The following ZNF318 variants were observed in gnomAD, a reference collection of about 807,000 sequenced individuals.
ZNF318 encodes zinc finger protein 318.
A neutral mutation model predicts 124.2 loss-of-function variants in ZNF318; 51 were observed. The observed-to-expected ratio is 0.41, with a 90% confidence interval of 0.33 to 0.52. ZNF318 has a LOEUF of 0.52. Among genes scored for constraint, ZNF318 ranks in the 20% least tolerant of loss-of-function variants. The probability of loss-of-function intolerance (pLI) is 0.23; values close to 1 mark genes in which losing one functional copy is unlikely to be tolerated. For missense variants in ZNF318, 2,815 were observed against 2,811.2 expected (o/e 1.00, Z -0.03); for synonymous variants, 1,090 against 1,040.7 (o/e 1.05, Z -0.91).
At chr6:43,366,202 G>A (rs747463773) in intron 1 of ZNF318, among the ~76,000 whole-genome samples, 1 of 151,576 alleles carries the variant, frequency 6.6e-6, no homozygotes, top group Non-Finnish European at 1.5e-5. Context: ...GTAGAAAGAT[G>A]TTTCAGGCAA....
intron 6 of ZNF318, among the ~76,000 whole-genome samples, chr6:43,343,987 G>T (rs1779407318): frequency 6.6e-6 from 1 of 152,022 alleles, no homozygotes; most frequent in South Asian, 2.1e-4. Flanking sequence ...TGAGAATTTT[G>T]GTTAATGTTC....
Position 43,355,209 on chromosome 6 carries a change from T to C in ZNF318, c.2125A>G (p.Ser709Gly). The C allele has an allele frequency of 1.2e-6, 2 of 1,614,224 alleles. No homozygotes were observed. The highest frequency in any genetic ancestry group is 1.7e-6 in the Non-Finnish European group (2 of 1,180,030). The change falls in exon 4 of 10, where the codon AGC becomes GGC. Residue 709 changes from serine (S) to glycine (G), a missense_variant. Physicochemically the swap from Ser to Gly is moderately conservative, Grantham distance 56. This residue lies in a region of ZNF318 where 1,377 missense variants were observed against 1,353.5 expected (regional missense o/e 1.02). Transcript: ENST00000361428. The stretch of plus-strand genomic sequence containing the variant: ...TGGTCAGACTTTAGGAATGGAGGGC[T>C]GTTTTTTGTGAGCAGGTAAGGATCC... ...PVDPYLLTKN[S>G]PPFLKSDHPV...
intron 6 of ZNF318, among the ~76,000 whole-genome samples, chr6:43,346,673 T>G (rs116261800): frequency 6.6e-6 from 1 of 152,262 alleles, no homozygotes; most frequent in Non-Finnish European, 1.5e-5. Context: ...ATTCTGGAAA[T>G]TCTTCATGGA....
Position 43,355,451 on chromosome 6 carries a change from G to C in ZNF318, c.1883C>G (p.Ser628Cys). The C allele has an allele frequency of 6.2e-7, 1 of 1,614,192 alleles. No homozygotes were observed. Among genetic ancestry groups the C allele is most frequent in the South Asian group, 1.1e-5 (1 of 91,072 alleles). The change falls in exon 4 of 10, where the codon TCC becomes TGC. Residue 628 changes from serine to cysteine, a missense_variant. Ser to Cys is a moderately radical substitution (Grantham distance 112). Transcript: ENST00000361428. Reference sequence around the variant, plus strand: ...AACTGAGGAACGGCGGTCAGCTGAGGAGCGTAATGATGGCTTCTTGCCATG... The same window carrying C: ...AACTGAGGAACGGCGGTCAGCTGAGCAGCGTAATGATGGCTTCTTGCCATG... ...RLHGKKPSLR[S>C]SADRRSSVDR... is the part of the protein sequence containing the mutation.
intron 6 of ZNF318, among the ~76,000 whole-genome samples, chr6:43,343,966 C>T (rs1042925390): frequency 2.0e-5 from 3 of 151,834 alleles, no homozygotes; most frequent in Non-Finnish European, 4.4e-5. Context: ...TGGAACAAGG[C>T]ACTCAGGAAA....
rs1029686027 is a variant in ZNF318, at chr6:43,336,950, AGTT to A, written c.*205_*207del. The stretch of plus-strand genomic sequence containing the variant: ...TTACAGATATATATATATATATATA[AGTT>A]GTTATCGATTTGTCTGGTGTTTTAA... On this transcript the variant is annotated 3_prime_UTR_variant, in exon 10 of 10. Transcript: ENST00000361428. 120 of 334,906 alleles carry A rather than the reference AGTT, an allele frequency of 3.6e-4. No individual in the cohort carries two copies. The highest frequency in any genetic ancestry group is 2.3e-3 in the African/African-American group (106 of 46,046). The allele number at this position is 334,906 out of a possible 1,614,324, so 20.7% of individuals were successfully genotyped here.
intron 9 of ZNF318, 71 bp from the exon 10 acceptor site, chr6:43,340,573 T>C (rs1460166310): frequency 6.7e-7 from 1 of 1,501,988 alleles, no homozygotes; most frequent in East Asian, 2.4e-5. Flanking sequence ...GCCCCGCTAC[T>C]GTTAGAATTC....
At position 43,339,107 on chromosome 6, in the gene ZNF318, C is replaced by T. The variant is rs554988849; in HGVS notation, c.4891G>A (p.Glu1631Lys). The T allele has an allele frequency of 6.2e-7, 1 of 1,614,162 alleles. No individual in the cohort carries two copies. Among genetic ancestry groups the T allele is most frequent in the East Asian group, 2.2e-5 (1 of 44,880 alleles). ...SASQEELHQDEGLVAAPIVSN... is the reference protein window; with the variant it reads ...SASQEELHQDKGLVAAPIVSN... The stretch of plus-strand genomic sequence containing the variant: ...ACTATAGGAGCAGCGACCAAACCCT[C>T]ATCTTGATGCAACTCCTCTTGGGAT... Residue 1631 changes from glutamate (E) to lysine (K), a missense_variant, in exon 10 of 10, where the codon GAG (glutamate) becomes AAG (lysine). Transcript: ENST00000361428. The surrounding 1 kb of genome is among the most constrained non-coding windows in gnomAD (Gnocchi z 4.2).
intron 8 of ZNF318, 41 bp from the exon 9 acceptor site, chr6:43,340,949 C>G: frequency 6.9e-7 from 1 of 1,446,996 alleles, no homozygotes; most frequent in South Asian, 1.1e-5. Flanking sequence ...AAGTCGATTC[C>G]ACCCAGAATG....
At chr6:43,345,065 C>T (rs889615271) in intron 6 of ZNF318, among the ~76,000 whole-genome samples, 3 of 151,526 alleles carry the variant, frequency 2.0e-5, no homozygotes, top group Admixed American at 6.6e-5. Context: ...GGAAACATGG[C>T]GAAACCTCAA....
chr6:43,362,958 A>G (rs546784637), intron 2 of ZNF318, among the ~76,000 whole-genome samples: 13 of 152,294 alleles, frequency 8.5e-5, no homozygotes, highest in African/African-American at 3.1e-4. Context: ...AAAGGGAAAG[A>G]AGAGAAATGT....
rs1779352793 is a variant in ZNF318, at chr6:43,340,171, A to T, written c.3827T>A (p.Phe1276Tyr). 1.9e-6 allele frequency: 3 copies of T among 1,614,074 alleles called. No homozygotes were observed. In the East Asian group the frequency reaches 6.7e-5, roughly 36 times the overall value. The change falls in exon 10 of 10, where the codon TTC becomes TAC. Residue 1276 changes from phenylalanine (F) to tyrosine (Y), a missense_variant. This residue lies in a region of ZNF318 where 500 missense variants were observed against 605.2 expected (regional missense o/e 0.83). Transcript: ENST00000361428. ...TTCTTTTTCTGGCTTCTTCCAGCTGAATTTCCCAAAAGAAGATGATGTTGG... is the reference window on the plus strand; with the variant it reads ...TTCTTTTTCTGGCTTCTTCCAGCTGTATTTCCCAAAAGAAGATGATGTTGG... Reference protein sequence around the residue: ...ESPTSSSFGKFSWKKPEKEEE... With the variant: ...ESPTSSSFGKYSWKKPEKEEE...
At chr6:43,343,163 C>G (rs1358673830) in intron 6 of ZNF318, among the ~76,000 whole-genome samples, 1 of 152,168 alleles carries the variant, frequency 6.6e-6, no homozygotes, top group Admixed American at 6.5e-5. Context: ...GTTGTGGAAA[C>G]ATTGGCTGCC....
intron 5 of ZNF318, among the ~76,000 whole-genome samples, chr6:43,349,706 T>TCA (rs1779500459): frequency 6.6e-6 from 1 of 152,176 alleles, no homozygotes; most frequent in Admixed American, 6.6e-5. Context: ...GTTCTTTTCC[T>TCA]CACTGTGTAT....
In ZNF318 at chr6:43,338,094, G is replaced by C. The variant is rs142925461; in HGVS notation, c.5904C>G (p.Thr1968=). 3.2e-4 allele frequency: 509 copies of C among 1,613,996 alleles called. 2 individuals are homozygous for C. In the Middle Eastern group the frequency reaches 5.9e-3, roughly 19 times the overall value. Residue 1968 remains threonine (T), a synonymous_variant, in exon 10 of 10, where the codon ACC becomes ACG. Transcript: ENST00000361428. ...TTTTTGGTTTCTCTGGGCTCTCCCA[G>C]GTCTCTGGCCTCTTCTTGTTTTCAT... ...VWDENKKRPE[T]WESPEKPKTE... is the part of the protein sequence containing the mutation.
Position 43,369,225 on chromosome 6 carries a change from G to A in ZNF318, c.141C>T (p.Gly47=). 1.6e-6 allele frequency: 2 copies of A among 1,224,962 alleles called. No individual in the cohort carries two copies. Among genetic ancestry groups the A allele is most frequent in the Non-Finnish European group, 2.0e-6 (2 of 983,698 alleles). The allele number at this position is 1,224,962 out of a possible 1,614,324, so 75.9% of individuals were successfully genotyped here. A position where few individuals can be genotyped will look rare whatever the true frequency, so the allele number is the denominator to read the frequency against. The part of the protein sequence containing the change: ...RRSSPPPPPS[G]SSSRTPARRP... Reference sequence around the variant, plus strand: ...GGCGAGCCGGGGTCCGCGACGAGGAGCCGGAGGGCGGAGGCGGCGGTGAGC... The same window carrying A: ...GGCGAGCCGGGGTCCGCGACGAGGAACCGGAGGGCGGAGGCGGCGGTGAGC... The change falls in exon 1 of 10, where the codon GGC becomes GGT. Residue 47 remains glycine (G), a synonymous_variant. Transcript: ENST00000361428.
chr6:43,362,267 G>A (rs2150756991), intron 2 of ZNF318, among the ~76,000 whole-genome samples: 1 of 151,850 alleles, frequency 6.6e-6, no homozygotes, highest in African/African-American at 2.4e-5. Flanking sequence ...GACCAGCCTG[G>A]CCAAAGAAAC....
rs1779808193 is a variant in ZNF318, at chr6:43,369,431, C to G, written c.-66G>C. The G allele has an allele frequency of 8.8e-7, 1 of 1,133,794 alleles. No individual in the cohort carries two copies. Among genetic ancestry groups the G allele is most frequent in the African/African-American group, 1.6e-5 (1 of 60,714 alleles). 70.2% of individuals were successfully genotyped at this position (1,133,794 alleles called of 1,614,324 possible). A position where few individuals can be genotyped will look rare whatever the true frequency, so the allele number is the denominator to read the frequency against. ...GGGCGCCCTAGACGCAGGCTCGGAG[C>G]GCGCCGCCGCAGCTGCAGCCGCCGC... On this transcript the variant is annotated 5_prime_UTR_variant, in exon 1 of 10. Transcript: ENST00000361428.
At chr6:43,349,652 ACT>A (rs1423508053) in intron 5 of ZNF318, among the ~76,000 whole-genome samples, 3 of 151,552 alleles carry the variant, frequency 2.0e-5, no homozygotes, top group East Asian at 1.9e-4. Flanking sequence ...ATCTTCTCCC[ACT>A]CTCTGTTCTT....
Sources: allele counts gnomAD v4.1 joint callset (sites outside exome capture counted in the v4.1 genomes callset), GRCh38; gene constraint gnomAD v4.1.1; regional missense constraint gnomAD v4.1.1; non-coding constraint Gnocchi (gnomAD v3.1); transcripts MANE v1.5; gene names NCBI Gene and HGNC (gene_info 2026-07-23, HGNC 2026-07-21).